The following PIP5K1A variants were observed in gnomAD, a reference collection of about 807,000 sequenced individuals.
PIP5K1A encodes the protein phosphatidylinositol-4-phosphate 5-kinase type 1 alpha, also known as phosphatidylinositol 4-phosphate 5-kinase type-1 alpha.
A neutral mutation model predicts 72.9 loss-of-function variants in PIP5K1A; 46 were observed. The observed-to-expected ratio is 0.63, with a 90% confidence interval of 0.50 to 0.81. The LOEUF (loss-of-function observed/expected upper bound fraction) is 0.81, where lower values mean the gene tolerates loss of function less well. Ranked by LOEUF, PIP5K1A falls within the 30% of genes least tolerant of loss-of-function variation. The pLI is 0.00. For synonymous variants in PIP5K1A, 228 were observed against 255.1 expected, an observed-to-expected ratio of 0.89 and a Z score of 1.01; for missense variants, 458 against 706.1, an observed-to-expected ratio of 0.65 and a Z score of 3.98.
At chr1:151,197,837 C>T (rs1042403729), upstream of PIP5K1A, 13 of 332,526 alleles carry the variant, frequency 3.9e-5, no homozygotes, top group African/African-American at 2.8e-4. Flanking sequence ...CTACGGGGTA[C>T]TTTGTTAAAA....
At chr1:151,230,192 A>G (rs1570932069) in intron 4 of PIP5K1A, among the ~76,000 whole-genome samples, 1 of 152,386 alleles carries the variant, frequency 6.6e-6, no homozygotes, top group East Asian at 1.9e-4. Context: ...AAATGGAGCA[A>G]AGCTATCTAA....
intron 12 of PIP5K1A, 82 bp downstream of exon 12, chr1:151,240,121 G>C (rs1481549673): frequency 2.1e-6 from 2 of 954,182 alleles, no homozygotes; most frequent in Non-Finnish European, 3.4e-6. Context: ...GGACACCTCT[G>C]GTAGGGAGCT....
At chr1:151,242,786 A>G (rs1691945641) in intron 14 of PIP5K1A, among the ~76,000 whole-genome samples, 3 of 152,150 alleles carry the variant, frequency 2.0e-5, no homozygotes. Context: ...GCTGTTGGCC[A>G]GGGCTGGGGT....
In PIP5K1A at chr1:151,223,348, C is replaced by CA. The variant is rs1234599998; in HGVS notation, c.86-882dup. The stretch of plus-strand genomic sequence containing the variant: ...CTCGGTGACCAGCAAAACTCCGTCT[C>CA]AAAAAAAAAAAAAAAGGCCGGGTGT... On this transcript the variant is annotated intron_variant, in intron 1 of 15. Coordinates refer to ENST00000368888, the MANE Select transcript of PIP5K1A (RefSeq NM_001135638.2). Among the ~76,000 whole-genome samples the CA allele has an allele frequency of 7.3e-3, 460 of 63,288 alleles. 1 individual carries two copies. The highest frequency in any genetic ancestry group is 0.017 in the African/African-American group (285 of 16,734). The allele number at this position is 63,288 out of a possible 152,430, so 41.5% of individuals were successfully genotyped here.
chr1:151,210,919 G>A (rs980466647), intron 1 of PIP5K1A, among the ~76,000 whole-genome samples: 12 of 152,138 alleles, frequency 7.9e-5, no homozygotes, highest in African/African-American at 2.7e-4. Context: ...GTGTTGGTAG[G>A]CAATTAAATT....
intron 14 of PIP5K1A, among the ~76,000 whole-genome samples, chr1:151,244,454 G>GATC (rs1471851291): frequency 6.6e-6 from 1 of 152,160 alleles, no homozygotes; most frequent in African/African-American, 2.4e-5. Flanking sequence ...AGGAGTTTAA[G>GATC]ATCAGCCTGA....
intron 1 of PIP5K1A, among the ~76,000 whole-genome samples, chr1:151,214,793 T>A (rs1687340113): frequency 6.6e-6 from 1 of 152,200 alleles, no homozygotes. Flanking sequence ...CTTGGCTCAC[T>A]GCAACCTCTG....
chr1:151,212,669 G>A (rs1314768006), intron 1 of PIP5K1A, among the ~76,000 whole-genome samples: 1 of 151,988 alleles, frequency 6.6e-6, no homozygotes, highest in Non-Finnish European at 1.5e-5. Context: ...CTGCCTCCCA[G>A]GTTCAAGCCA....
chr1:151,202,967 C>T (rs1047605711), intron 1 of PIP5K1A, among the ~76,000 whole-genome samples: 1 of 151,980 alleles, frequency 6.6e-6, no homozygotes, highest in South Asian at 2.1e-4. Context: ...TCAGATTTCA[C>T]CATGTTAGTC....
intron 3 of PIP5K1A, among the ~76,000 whole-genome samples, chr1:151,226,276 A>G (rs587683323): frequency 6.7e-4 from 101 of 151,754 alleles, no homozygotes; most frequent in Non-Finnish European, 1.1e-3. Context: ...TAGTAGAGAC[A>G]GGGTTTCAAC....
chr1:151,232,514 G>A, intron 6 of PIP5K1A, 37 bp from the exon 7 acceptor site: 1 of 1,587,504 alleles, frequency 6.3e-7, no homozygotes, highest in Non-Finnish European at 8.6e-7. Flanking sequence ...AGGCCCTGAT[G>A]TGTCTAAATC....
intron 1 of PIP5K1A, among the ~76,000 whole-genome samples, chr1:151,204,304 G>C (rs977814304): frequency 6.6e-6 from 1 of 152,158 alleles, no homozygotes; most frequent in Non-Finnish European, 1.5e-5. Context: ...TGCCTCCTGA[G>C]TAGGTGGGAT....
intron 1 of PIP5K1A, among the ~76,000 whole-genome samples, chr1:151,206,422 A>G (rs1685934575): frequency 6.6e-6 from 1 of 152,194 alleles, no homozygotes; most frequent in South Asian, 2.1e-4. Context: ...AAGCTGTCCA[A>G]AAAGATTAGA....
At chr1:151,247,809 A>C (rs978509667) in intron 15 of PIP5K1A, 54 bp from the exon 16 acceptor site, 3 of 1,471,298 alleles carry the variant, frequency 2.0e-6, no homozygotes, top group Non-Finnish European at 2.8e-6. Flanking sequence ...CTTGAATTCC[A>C]TTTCTGCTTA....
At chr1:151,242,677 T>A in intron 14 of PIP5K1A, 110 bp downstream of exon 14, 1 of 963,928 alleles carries the variant, frequency 1.0e-6, no homozygotes, top group Non-Finnish European at 1.6e-6. Flanking sequence ...ATTAGTGGCT[T>A]AAAATAACAA....
At chr1:151,196,007 G>A (rs1684544441), upstream of PIP5K1A, among the ~76,000 whole-genome samples, 1 of 136,878 alleles carries the variant, frequency 7.3e-6, no homozygotes. Context: ...CCATTCTCCT[G>A]CCTCAGCCTC....
intron 8 of PIP5K1A, 44 bp from the exon 9 acceptor site, chr1:151,236,514 T>G (rs1690880342): frequency 7.8e-6 from 11 of 1,410,386 alleles, no homozygotes; most frequent in Non-Finnish European, 1.1e-5. Context: ...AAAAATATTT[T>G]TATTTCTTCC....
Position 151,232,542 on chromosome 1 carries a change from T to C in PIP5K1A, c.487-9T>C, listed in dbSNP as rs1359292199. On this transcript the variant is annotated splice_polypyrimidine_tract_variant and intron_variant, in intron 6 of 15. Coordinates refer to ENST00000368888, the MANE Select transcript of PIP5K1A (RefSeq NM_001135638.2). ...TCTAAATCTCTTAGTTCTTCTCTGT[T>C]TGCCCCAGTATTCCCTCTGCAGTGA... 1 of 1,595,286 alleles carries C rather than the reference T, an allele frequency of 6.3e-7. No homozygotes were observed. The highest frequency in any genetic ancestry group is 1.4e-5 in the African/African-American group (1 of 73,746).
chr1:151,197,154 G>T (rs191573398), upstream of PIP5K1A, among the ~76,000 whole-genome samples: 3 of 152,160 alleles, frequency 2.0e-5, no homozygotes, highest in Admixed American at 2.0e-4. Flanking sequence ...GAGCCACGGC[G>T]CCCGGCCTGC....
Sources: gnomAD v4.1 joint callset for allele counts (sites outside exome capture counted in the v4.1 genomes callset) on GRCh38, gnomAD v4.1.1 for gene constraint, MANE v1.5 for transcripts, NCBI Gene and HGNC (gene_info 2026-07-23, HGNC 2026-07-21) for gene names.